Variants in NCOA1 observed in about 807,000 individuals in gnomAD.
NCOA1 encodes Hin-2 protein.
A neutral mutation model predicts 150.9 loss-of-function variants in NCOA1; 35 were observed. The observed-to-expected ratio is 0.23, with a 90% CI of 0.18 to 0.31. The LOEUF (loss-of-function observed/expected upper bound fraction) is 0.31. Ranked by LOEUF, NCOA1 falls within the 10% of genes least tolerant of loss-of-function variation. The pLI is 1.00. For missense variants in NCOA1, 1,491 were observed against 1,749.3 expected, an observed-to-expected ratio of 0.85 and a Z score of 2.63; for synonymous variants, 590 against 630.0, an observed-to-expected ratio of 0.94 and a Z score of 0.95.
chr2:24,586,091 A>T (rs1667393138), intron 3 of NCOA1, among the ~76,000 whole-genome samples: 1 of 151,650 alleles, frequency 6.6e-6, no homozygotes, highest in Non-Finnish European at 1.5e-5. Flanking sequence ...CCTGGGCAAC[A>T]TGGAAAAAAC....
intron 1 of NCOA1, among the ~76,000 whole-genome samples, chr2:24,520,286 C>G (rs1411659826): frequency 6.6e-6 from 1 of 152,082 alleles, no homozygotes; most frequent in Non-Finnish European, 1.5e-5. Flanking sequence ...TGTCCATATA[C>G]ATTTTGAACA....
chr2:24,770,217 C>T lies in NCOA1; in HGVS notation c.*1826C>T. ...CAGCTTGAAAGCCAGCCATATTACT[C>T]TAGTCCCTACCAAACTGCTCTAGAA... On this transcript the variant is annotated 3_prime_UTR_variant, in exon 23 of 23. Coordinates refer to ENST00000348332, the MANE Select transcript of NCOA1 (RefSeq NM_003743.5). 1 of 231,500 alleles carries T rather than the reference C, an allele frequency of 4.3e-6. No individual in the cohort carries two copies. The highest frequency in any genetic ancestry group is 8.6e-6 in the Non-Finnish European group (1 of 116,668). The allele number at this position is 231,500 out of a possible 1,614,324, so 14.3% of individuals were successfully genotyped here.
intron 4 of NCOA1, among the ~76,000 whole-genome samples, chr2:24,651,301 A>C (rs1016673001): frequency 5.3e-5 from 8 of 152,116 alleles, no homozygotes; most frequent in Non-Finnish European, 1.0e-4. Context: ...GAAACAACCT[A>C]GGGGTTGCTC....
chr2:24,564,439 GAC>G lies in NCOA1; in HGVS notation c.-260+13_-260+14del, dbSNP rs1397854836. On this transcript the variant is annotated intron_variant, in intron 2 of 22. Coordinates refer to ENST00000348332, the MANE Select transcript of NCOA1 (RefSeq NM_003743.5). ...TTTCTACTTATTCTGAGGTATTTGA[GAC>G]ACAATTTTACTTTAGTTTTGACTCC... is the stretch of plus-strand genomic sequence containing the variant. 6.6e-6 allele frequency: 1 copy of G among 152,200 alleles called. No homozygotes were observed. The highest frequency in any genetic ancestry group is 6.5e-5 in the Admixed American group (1 of 15,280). 9.4% of individuals were successfully genotyped at this position (152,200 alleles called of 1,614,324 possible). A position where few individuals can be genotyped will look rare whatever the true frequency, so the allele number is the denominator to read the frequency against.
At chr2:24,529,612 A>G (rs1192789510) in intron 1 of NCOA1, among the ~76,000 whole-genome samples, 1 of 152,222 alleles carries the variant, frequency 6.6e-6, no homozygotes, top group Non-Finnish European at 1.5e-5. Context: ...GATGGGCTAC[A>G]GGTAAAAAGC....
rs375674804 is a variant in NCOA1, at chr2:24,610,032, A to AGTCTTTCT, written c.-175+25474_-175+25481dup. ...TCATTGCATTGTGATCAGGGAATGT[A>AGTCTTTCT]GTCTTTCTGGTAGTAATTGTTCCAT... On this transcript the variant is annotated intron_variant, in intron 3 of 22. Transcript: ENST00000348332. 1.3e-3 allele frequency among the ~76,000 whole-genome samples: 200 copies of AGTCTTTCT among 150,454 alleles called. 1 individual carries two copies. The highest frequency in any genetic ancestry group is 4.5e-3 in the African/African-American group (184 of 40,984).
At chr2:24,656,937 A>G (rs1289764912) in intron 4 of NCOA1, among the ~76,000 whole-genome samples, 1 of 152,244 alleles carries the variant, frequency 6.6e-6, no homozygotes, top group Non-Finnish European at 1.5e-5. Flanking sequence ...TGGAGTGCAC[A>G]TATCTCTTCA....
chr2:24,592,302 C>G (rs1667688276), intron 3 of NCOA1, among the ~76,000 whole-genome samples: 2 of 152,110 alleles, frequency 1.3e-5, no homozygotes, highest in Non-Finnish European at 2.9e-5. Flanking sequence ...GTAAAGCAAA[C>G]TCAGTGACCT....
intron 3 of NCOA1, among the ~76,000 whole-genome samples, chr2:24,632,597 A>T (rs1669755246): frequency 6.6e-6 from 1 of 152,182 alleles, no homozygotes. Flanking sequence ...CTTCTCCATT[A>T]TTGGCTCCCA....
Position 24,741,953 on chromosome 2 carries a change from G to A in NCOA1, c.3473G>A (p.Arg1158His), listed in dbSNP as rs753199901. 21 of 1,614,040 alleles carry A rather than the reference G, an allele frequency of 1.3e-5. No homozygotes were observed. The highest frequency in any genetic ancestry group is 5.5e-5 in the South Asian group (5 of 91,084). ...SGLPVQMGNP[R>H]LPQGAPQQFP... ...CTACCAGTTCAAATGGGGAACCCCC[G>A]TCTTCCTCAGGGTGCTCCACAGCAA... The change falls in exon 19 of 23, where the codon CGT (arginine) becomes CAT (histidine). Residue 1158 changes from arginine (R) to histidine (H), a missense_variant. Physicochemically the swap from Arg to His is conservative, Grantham distance 29. This residue lies in a region of NCOA1 where 485 missense variants were observed against 522.8 expected (regional missense o/e 0.93). Coordinates refer to ENST00000348332, the MANE Select transcript of NCOA1 (RefSeq NM_003743.5).
intron 7 of NCOA1, among the ~76,000 whole-genome samples, chr2:24,675,762 G>A (rs1269143552): frequency 1.2e-4 from 18 of 152,174 alleles, no homozygotes; most frequent in Admixed American, 1.2e-3. Flanking sequence ...GTGAGCGCCT[G>A]TAATCCCAGC....
At chr2:24,750,206 C>G (rs1664145735) in intron 19 of NCOA1, among the ~76,000 whole-genome samples, 1 of 152,206 alleles carries the variant, frequency 6.6e-6, no homozygotes, top group South Asian at 2.1e-4. Flanking sequence ...TCTTATAATT[C>G]AATGCAGAAT....
chr2:24,518,119 A>G (rs923326235), intron 1 of NCOA1, among the ~76,000 whole-genome samples: 1 of 152,200 alleles, frequency 6.6e-6, no homozygotes, highest in Admixed American at 6.5e-5. Context: ...ATCCAATAAT[A>G]TATAAAAAGT....
chr2:24,739,193 T>C (rs1481018316), intron 17 of NCOA1, among the ~76,000 whole-genome samples: 1 of 152,202 alleles, frequency 6.6e-6, no homozygotes, highest in Non-Finnish European at 1.5e-5. Context: ...TCACCCAGGC[T>C]GGAGTGCAGT....
At chr2:24,581,103 G>C (rs1667176678) in intron 2 of NCOA1, among the ~76,000 whole-genome samples, 1 of 152,210 alleles carries the variant, frequency 6.6e-6, no homozygotes, top group East Asian at 1.9e-4. Flanking sequence ...CTGGCTGGGA[G>C]GGGCAGGAAT....
chr2:24,636,188 G>A lies in NCOA1; in HGVS notation c.-174-7778G>A, dbSNP rs139141255. On this transcript the variant is annotated intron_variant, in intron 3 of 22. Coordinates refer to ENST00000348332, the MANE Select transcript of NCOA1 (RefSeq NM_003743.5). ...TTCAAATATATGAATTAATCTGGGA[G>A]TGGACTAACATCTTCACACTATTCA... 1.3e-3 allele frequency among the ~76,000 whole-genome samples: 198 copies of A among 152,262 alleles called. 1 individual carries two copies. The highest frequency in any genetic ancestry group is 4.5e-3 in the African/African-American group (188 of 41,560).
intron 14 of NCOA1, among the ~76,000 whole-genome samples, chr2:24,722,332 G>C (rs1163462522): frequency 6.6e-6 from 1 of 152,180 alleles, no homozygotes; most frequent in African/African-American, 2.4e-5. Context: ...TGAGGGTACT[G>C]TTGATCAGAA....
At chr2:24,564,994 A>G (rs1277031181) in intron 2 of NCOA1, among the ~76,000 whole-genome samples, 1 of 152,144 alleles carries the variant, frequency 6.6e-6, no homozygotes, top group Non-Finnish European at 1.5e-5. Context: ...CTTTCCTCCT[A>G]AATTTATTGT....
At chr2:24,596,883 A>G (rs1350630010) in intron 3 of NCOA1, among the ~76,000 whole-genome samples, 1 of 152,204 alleles carries the variant, frequency 6.6e-6, no homozygotes, top group African/African-American at 2.4e-5. Flanking sequence ...GTGTCTTTCC[A>G]ATCCCTGTTA....
Sources: allele counts gnomAD v4.1 joint callset (sites outside exome capture counted in the v4.1 genomes callset), GRCh38; gene constraint gnomAD v4.1.1; regional missense constraint gnomAD v4.1.1; transcripts MANE v1.5; gene names NCBI Gene and HGNC (gene_info 2026-07-23, HGNC 2026-07-21).